Variants in TOGARAM1 observed in about 807,000 individuals in gnomAD.
TOGARAM1 encodes the protein TOG array regulator of axonemal microtubules 1.
In TOGARAM1, 100 loss-of-function variants were observed where a neutral mutation model predicts 166.6. The observed-to-expected ratio is 0.60, with a 90% CI of 0.51 to 0.71. TOGARAM1 has a LOEUF of 0.71. TOGARAM1 is among the 30% of genes least tolerant of loss of function. The probability of loss-of-function intolerance (pLI) is 0.00; values close to 1 mark genes in which losing one functional copy is unlikely to be tolerated. For synonymous variants in TOGARAM1, 758 were observed against 763.8 expected (o/e 0.99, Z 0.13); for missense variants, 2,029 against 2,102.7 (o/e 0.96, Z 0.69).
At chr14:44,991,926 G>A (rs909447556) in intron 1 of TOGARAM1, among the ~76,000 whole-genome samples, 1 of 150,654 alleles carries the variant, frequency 6.6e-6, no homozygotes, top group Non-Finnish European at 1.5e-5. Context: ...TTTACAATAA[G>A]CAATTATTAT....
intron 10 of TOGARAM1, 115 bp downstream of exon 10, chr14:45,028,444 C>A: frequency 9.0e-7 from 1 of 1,116,004 alleles, no homozygotes; most frequent in South Asian, 1.5e-5. Flanking sequence ...TATATAACAC[C>A]GAAATTTGCA....
Position 44,962,640 on chromosome 14 carries a change from G to T in TOGARAM1, c.219G>T (p.Met73Ile). The T allele has an allele frequency of 6.2e-7, 1 of 1,614,004 alleles. No homozygotes were observed. Among genetic ancestry groups the T allele is most frequent in the Non-Finnish European group, 8.5e-7 (1 of 1,179,938 alleles). The part of the protein sequence containing the change: ...TTSPLASALL[M>I]PSEAVSSSWS... ...CGCCTCTGGCCTCGGCCCTCTTGAT[G>T]CCCTCGGAGGCAGTCTCAAGCAGCT... The change falls in exon 1 of 20, where the codon ATG (methionine) becomes ATT (isoleucine). Residue 73 changes from methionine to isoleucine, a missense_variant. Physicochemically the swap from Met to Ile is conservative, Grantham distance 10. Coordinates refer to ENST00000361462, the MANE Select transcript of TOGARAM1 (RefSeq NM_001308120.2).
chr14:44,995,070 G>A (rs1374324062), intron 1 of TOGARAM1, among the ~76,000 whole-genome samples: 2 of 152,246 alleles, frequency 1.3e-5, no homozygotes, highest in East Asian at 3.9e-4. Flanking sequence ...TTGAACATTT[G>A]ATTCATGCTC....
chr14:45,036,350 T>C (rs2138930621), intron 11 of TOGARAM1, among the ~76,000 whole-genome samples: 1 of 152,138 alleles, frequency 6.6e-6, no homozygotes, highest in South Asian at 2.1e-4. Context: ...ACATTAAATG[T>C]AGATGAACTA....
rs575568809 is a variant in TOGARAM1 at position 44,963,704 on chromosome 14, A to T, written c.1283A>T (p.Gln428Leu). 3 of 1,613,980 alleles carry T rather than the reference A, an allele frequency of 1.9e-6. No homozygotes were observed. The highest frequency in any genetic ancestry group is 2.2e-5 in the East Asian group (1 of 44,884). Residue 428 changes from glutamine to leucine, a missense_variant, in exon 1 of 20, where the codon CAG (glutamine) becomes CTG (leucine). Around this residue, in one of 2 missense-constraint regions of TOGARAM1, gnomAD observed 1,453 missense variants for 1,432.2 expected, o/e 1.01. Coordinates refer to ENST00000361462, the MANE Select transcript of TOGARAM1 (RefSeq NM_001308120.2). ...LHLLVIRLGE[Q>L]VQQFLGPVIA... ...TTACTGGTTATTCGCCTTGGAGAGCAGGTACAGCAGTTCTTGGGACCAGTT... is the reference window on the plus strand; with the variant it reads ...TTACTGGTTATTCGCCTTGGAGAGCTGGTACAGCAGTTCTTGGGACCAGTT...
chr14:45,040,006 G>T (rs1275162672), intron 11 of TOGARAM1, among the ~76,000 whole-genome samples: 1 of 152,160 alleles, frequency 6.6e-6, no homozygotes, highest in Non-Finnish European at 1.5e-5. Flanking sequence ...TCCACCTACA[G>T]CAGCAGAATT....
chr14:45,071,494 A>G (rs1883378543), intron 18 of TOGARAM1, among the ~76,000 whole-genome samples: 1 of 151,870 alleles, frequency 6.6e-6, no homozygotes, highest in South Asian at 2.1e-4. Flanking sequence ...GGCTCAAATG[A>G]TCCTCTCACC....
chr14:44,973,577 T>TC (rs1460650400), intron 1 of TOGARAM1, among the ~76,000 whole-genome samples: 1 of 143,382 alleles, frequency 7.0e-6, no homozygotes, highest in Non-Finnish European at 1.5e-5. Context: ...TCCAGTGTAC[T>TC]TTCTCTCTCT....
At chr14:45,020,201 T>G (rs1468237294) in intron 7 of TOGARAM1, among the ~76,000 whole-genome samples, 1 of 152,226 alleles carries the variant, frequency 6.6e-6, no homozygotes, top group East Asian at 1.9e-4. Context: ...TCTGGTGCTT[T>G]GAAGCTCCTA....
At chr14:45,006,449 C>T (rs943197958) in intron 5 of TOGARAM1, 182 bp downstream of exon 5, 1 of 497,034 alleles carries the variant, frequency 2.0e-6, no homozygotes, top group Non-Finnish European at 3.5e-6. Context: ...CGCCAGTTCC[C>T]ACTACCAGAA....
At chr14:45,057,200 T>A (rs1164488829) in intron 16 of TOGARAM1, among the ~76,000 whole-genome samples, 2 of 152,178 alleles carry the variant, frequency 1.3e-5, no homozygotes, top group Non-Finnish European at 2.9e-5. Context: ...GTCTCCTTTC[T>A]GATTTTGTTT....
chr14:44,993,285 TCAAAAACAAAAACAAAAA>T lies in TOGARAM1; in HGVS notation c.2047-2442_2047-2425del, dbSNP rs112989574. On this transcript the variant is annotated intron_variant, in intron 1 of 19. Transcript: ENST00000361462. Reference sequence around the variant, plus strand: ...CTGAGCAACAGAGTGAGAACCTGTCTCAAAAACAAAAACAAAAACAAAAACAAAAACAAAAAAAGATTG... The same window carrying T: ...CTGAGCAACAGAGTGAGAACCTGTCTCAAAAACAAAAACAAAAAAAGATTG... 6.7e-5 allele frequency among the ~76,000 whole-genome samples: 10 copies of T among 150,318 alleles called. No homozygotes were observed. In the East Asian group the frequency reaches 1.6e-3, roughly 24 times the overall value.
chr14:44,993,013 A>C (rs1324781393), intron 1 of TOGARAM1, among the ~76,000 whole-genome samples: 1 of 151,926 alleles, frequency 6.6e-6, no homozygotes, highest in Non-Finnish European at 1.5e-5. Flanking sequence ...CTGTAATCTC[A>C]GCACTTTGAG....
rs780612850 is a variant in TOGARAM1, at chr14:44,963,375, G to A, written c.954G>A (p.Gln318=). Residue 318 remains glutamine (Q), a synonymous_variant, in exon 1 of 20, where the codon CAG becomes CAA. Coordinates refer to ENST00000361462, the MANE Select transcript of TOGARAM1 (RefSeq NM_001308120.2). ...GCCTGGAGTCCCAGTTTGGAAGTCA[G>A]GTTCCTTATTATTTGGAACTTGAAG... ...NRRLESQFGS[Q]VPYYLELEAS... is the part of the protein sequence containing the mutation. 8 of 1,614,166 alleles carry A rather than the reference G, an allele frequency of 5.0e-6. No homozygotes were observed. The highest frequency in any genetic ancestry group is 6.8e-6 in the Non-Finnish European group (8 of 1,180,038).
intron 11 of TOGARAM1, among the ~76,000 whole-genome samples, chr14:45,032,732 C>A (rs1881232478): frequency 6.6e-6 from 1 of 152,110 alleles, no homozygotes; most frequent in Non-Finnish European, 1.5e-5. Context: ...GTAGTGATAG[C>A]AGCCAACCAA....
rs62000266 is a variant in TOGARAM1 at position 45,021,035 on chromosome 14, T to C, written c.3239-4748T>C. Among the ~76,000 whole-genome samples the C allele has an allele frequency of 2.9e-3, 440 of 152,202 alleles. 3 individuals carry two copies. The highest frequency in any genetic ancestry group is 0.02 in the Middle Eastern group (6 of 294). On this transcript the variant is annotated intron_variant, in intron 7 of 19. Coordinates refer to ENST00000361462, the MANE Select transcript of TOGARAM1 (RefSeq NM_001308120.2). ...GTGAGTATGGGTATGGAGGGTTTCA[T>C]GTAGTTTTGAGAGATCTAGTCCTTT...
Position 45,011,958 on chromosome 14 carries a change from A to G in TOGARAM1, c.3138-17A>G. 6.4e-7 allele frequency: 1 copy of G among 1,554,514 alleles called. No homozygotes were observed. Among genetic ancestry groups the G allele is most frequent in the Non-Finnish European group, 8.8e-7 (1 of 1,137,262 alleles). ...CTAAATCTTAATGTTTATTGAAATTACTTTGTTTCATTGCAGGTCAGACAT... is the reference window on the plus strand; with the variant it reads ...CTAAATCTTAATGTTTATTGAAATTGCTTTGTTTCATTGCAGGTCAGACAT... On this transcript the variant is annotated splice_polypyrimidine_tract_variant and intron_variant, in intron 6 of 19. Transcript: ENST00000361462.
chr14:45,002,681 A>G (rs574827443), intron 3 of TOGARAM1, among the ~76,000 whole-genome samples: 1 of 152,368 alleles, frequency 6.6e-6, no homozygotes, highest in Non-Finnish European at 1.5e-5. Flanking sequence ...TTCATAAGAA[A>G]TATTTTTAAA....
chr14:45,026,691 T>G (rs1880860277), intron 8 of TOGARAM1, among the ~76,000 whole-genome samples: 2 of 152,080 alleles, frequency 1.3e-5, no homozygotes, highest in Admixed American at 6.6e-5. Flanking sequence ...TCCTTGCTCC[T>G]TGAAACCATC....
Sources: gnomAD v4.1 joint callset for allele counts (sites outside exome capture counted in the v4.1 genomes callset) on GRCh38, gnomAD v4.1.1 for gene constraint, gnomAD v4.1.1 regional missense constraint, MANE v1.5 for transcripts, NCBI Gene and HGNC (gene_info 2026-07-23, HGNC 2026-07-21) for gene names.